The following ARL15 variants were observed in gnomAD, a reference collection of about 807,000 sequenced individuals.
The protein encoded by ARL15 is ADP-ribosylation factor-like protein 15.
ARL15 carries 19 observed loss-of-function variants against 25.2 expected under a neutral mutation model. The ratio of observed to expected loss-of-function variants is 0.75; its 90% CI spans 0.53 to 1.10. ARL15 has a LOEUF of 1.10. Ranked by LOEUF, ARL15 falls within the 50% of genes least tolerant of loss-of-function variation. The pLI is 0.00. For synonymous variants in ARL15, 94 were observed against 86.8 expected, an observed-to-expected ratio of 1.08 and a Z score of -0.46; for missense variants, 220 against 246.0, an observed-to-expected ratio of 0.89 and a Z score of 0.71.
chr5:54,069,555 T>C (rs1407604840), intron 4 of ARL15, among the ~76,000 whole-genome samples: 1 of 23,228 alleles, frequency 4.3e-5, no homozygotes, highest in Non-Finnish European at 7.2e-5. Flanking sequence ...CAGCAAAACG[T>C]CTCAAAAAAA....
chr5:54,213,079 C>T (rs1756089351), intron 1 of ARL15, among the ~76,000 whole-genome samples: 1 of 151,982 alleles, frequency 6.6e-6, no homozygotes, highest in South Asian at 2.1e-4. Flanking sequence ...ATAGTAATGC[C>T]CAAATCACAA....
intron 4 of ARL15, among the ~76,000 whole-genome samples, chr5:54,086,049 A>G (rs146218681): frequency 0.049 from 7,473 of 151,860 alleles, 615 homozygotes; most frequent in African/African-American, 0.17. Flanking sequence ...TGAGTAGCTG[A>G]GATTACAGGC....
chr5:54,284,386 T>C (rs1047319083), intron 1 of ARL15, among the ~76,000 whole-genome samples: 1 of 152,234 alleles, frequency 6.6e-6, no homozygotes, highest in Non-Finnish European at 1.5e-5. Flanking sequence ...ATTATAGGCA[T>C]GAGCCATCAC....
chr5:54,197,676 TCCA>T lies in ARL15; in HGVS notation c.49-25751_49-25749del, dbSNP rs562288611. On this transcript the variant is annotated intron_variant, in intron 1 of 4. Transcript: ENST00000504924. The stretch of plus-strand genomic sequence containing the variant: ...TCAATAGCTTACCAACCAAAAAGAG[TCCA>T]GGACCAGATGGATTCACAGCTGAAT... Among the ~76,000 whole-genome samples the T allele has an allele frequency of 0.013, 2,026 of 151,694 alleles. 81 individuals carry two copies. In the East Asian group the frequency reaches 0.16, roughly 12 times the overall value.
chr5:54,044,337 G>A (rs113086809), intron 4 of ARL15, among the ~76,000 whole-genome samples: 2 of 148,478 alleles, frequency 1.3e-5, no homozygotes, highest in South Asian at 4.2e-4. Context: ...TCTACCTCCT[G>A]AGTTCAAGCA....
chr5:53,989,292 C>A (rs1748403505), intron 4 of ARL15, among the ~76,000 whole-genome samples: 1 of 89,016 alleles, frequency 1.1e-5, no homozygotes, highest in Admixed American at 1.5e-4. Context: ...TAAGGGAACA[C>A]TCAATGTTAT....
At chr5:54,137,419 T>C (rs1265580073) in intron 3 of ARL15, among the ~76,000 whole-genome samples, 4 of 152,096 alleles carry the variant, frequency 2.6e-5, no homozygotes, top group Admixed American at 2.6e-4. Context: ...ACTTTTAGGG[T>C]ATAACCTGAC....
intron 1 of ARL15, among the ~76,000 whole-genome samples, chr5:54,278,860 T>C (rs1234137977): frequency 6.6e-6 from 1 of 152,212 alleles, no homozygotes; most frequent in Non-Finnish European, 1.5e-5. Flanking sequence ...TGTCTCTGAG[T>C]AATGATCTTT....
intron 4 of ARL15, among the ~76,000 whole-genome samples, chr5:54,041,321 T>C (rs919371593): frequency 2.0e-5 from 3 of 152,234 alleles, no homozygotes; most frequent in Non-Finnish European, 2.9e-5. Flanking sequence ...GCCTTTGATA[T>C]AGATTACTTT....
chr5:54,070,578 T>C (rs563850438), intron 4 of ARL15, among the ~76,000 whole-genome samples: 8 of 151,468 alleles, frequency 5.3e-5, no homozygotes, highest in African/African-American at 1.9e-4. Flanking sequence ...TGGTGCCTCA[T>C]ACCTGTAATT....
intron 1 of ARL15, among the ~76,000 whole-genome samples, chr5:54,217,067 C>G (rs986568792): frequency 1.3e-5 from 2 of 151,872 alleles, no homozygotes; most frequent in African/African-American, 4.8e-5. Flanking sequence ...AATAGGAAAA[C>G]GAGATAAACA....
At chr5:54,301,127 A>G (rs1758605633) in intron 1 of ARL15, among the ~76,000 whole-genome samples, 1 of 152,204 alleles carries the variant, frequency 6.6e-6, no homozygotes. Flanking sequence ...GTTGCCTTTC[A>G]TGTGCTACTC....
intron 1 of ARL15, among the ~76,000 whole-genome samples, chr5:54,288,490 A>G (rs1758240127): frequency 6.6e-6 from 1 of 152,170 alleles, no homozygotes; most frequent in Non-Finnish European, 1.5e-5. Flanking sequence ...GAAACTGTCA[A>G]AGCCACTATA....
intron 3 of ARL15, among the ~76,000 whole-genome samples, chr5:54,152,395 C>A (rs1754092542): frequency 6.6e-6 from 1 of 152,064 alleles, no homozygotes. Flanking sequence ...TAACCTAGTA[C>A]CTAGCCTCAA....
chr5:54,017,478 A>G (rs1749461126), intron 4 of ARL15, among the ~76,000 whole-genome samples: 1 of 151,796 alleles, frequency 6.6e-6, no homozygotes, highest in Admixed American at 6.6e-5. Context: ...GGCTATTATG[A>G]TAACTTCACT....
intron 4 of ARL15, among the ~76,000 whole-genome samples, chr5:53,906,968 A>G (rs1745266218): frequency 6.6e-6 from 1 of 152,146 alleles, no homozygotes; most frequent in Admixed American, 6.5e-5. Flanking sequence ...GGCTCCAGAA[A>G]TGTGAATTTA....
At chr5:54,064,131 A>C (rs867615201) in intron 4 of ARL15, among the ~76,000 whole-genome samples, 6 of 152,068 alleles carry the variant, frequency 3.9e-5, no homozygotes, top group Non-Finnish European at 7.3e-5. Context: ...ACGGAAGTGC[A>C]TGGCTGCTGT....
In ARL15 at chr5:54,010,931, C is replaced by A. The variant is rs1369628242; in HGVS notation, c.462+102271G>T. Among the ~76,000 whole-genome samples the A allele has an allele frequency of 2.0e-5, 3 of 149,256 alleles. No individual in the cohort carries two copies. The South Asian group carries it at 6.4e-4, about 32-fold the overall frequency. ...CGGAGAATGGCGTGAACCCGGGAGG[C>A]GGAGCTTGCAGTGAGCTGAGATCGC... On this transcript the variant is annotated intron_variant, in intron 4 of 4. Transcript: ENST00000504924.
chr5:54,069,657 A>AT (rs1285631787), intron 4 of ARL15, among the ~76,000 whole-genome samples: 3 of 142,634 alleles, frequency 2.1e-5, no homozygotes, highest in African/African-American at 7.7e-5. Context: ...TTTATTTTTT[A>AT]TTTTTTCTGA....
Sources: gnomAD v4.1 joint callset for allele counts (sites outside exome capture counted in the v4.1 genomes callset) on GRCh38, gnomAD v4.1.1 for gene constraint, MANE v1.5 for transcripts, NCBI Gene and HGNC (gene_info 2026-07-23, HGNC 2026-07-21) for gene names.